EDAR: variants seen among roughly 807,000 people sequenced by gnomAD.
EDAR encodes tumor necrosis factor receptor superfamily member EDAR.
A neutral mutation model predicts 51.3 loss-of-function variants in EDAR; 38 were observed. The observed-to-expected ratio is 0.74, with a 90% CI of 0.57 to 0.97. The LOEUF is 0.97. Ranked by LOEUF, EDAR falls within the 50% of genes least tolerant of loss-of-function variation. The probability of loss-of-function intolerance (pLI) is 0.00; values close to 1 mark genes in which losing one functional copy is unlikely to be tolerated. For synonymous variants in EDAR, 227 were observed against 242.1 expected, an observed-to-expected ratio of 0.94 and a Z score of 0.58; for missense variants, 528 against 595.0, an observed-to-expected ratio of 0.89 and a Z score of 1.17.
intron 8 of EDAR, 36 bp downstream of exon 8, chr2:108,910,740 C>T (rs748926409): frequency 8.7e-6 from 14 of 1,608,848 alleles, no homozygotes; most frequent in Admixed American, 6.7e-5. Flanking sequence ...AGATGGGCAC[C>T]GTGCACATGG....
At chr2:108,964,899 G>T (rs779821477) in intron 1 of EDAR, among the ~76,000 whole-genome samples, 5 of 152,082 alleles carry the variant, frequency 3.3e-5, no homozygotes, top group Non-Finnish European at 5.9e-5. Flanking sequence ...ATAACAGCAC[G>T]TCTGGAATAA....
intron 1 of EDAR, among the ~76,000 whole-genome samples, chr2:108,986,577 G>A (rs1574419260): frequency 6.6e-6 from 1 of 152,258 alleles, no homozygotes; most frequent in Non-Finnish European, 1.5e-5. Flanking sequence ...AGTTCTTGGT[G>A]TTCCCATAAT....
chr2:108,898,887 A>T (rs1169305640), intron 11 of EDAR, among the ~76,000 whole-genome samples: 4 of 152,254 alleles, frequency 2.6e-5, no homozygotes, highest in Non-Finnish European at 5.9e-5. Flanking sequence ...TTACTCAATC[A>T]GAGAAAATAA....
chr2:108,935,934 C>T (rs1261953562), intron 1 of EDAR, among the ~76,000 whole-genome samples: 2 of 152,200 alleles, frequency 1.3e-5, no homozygotes, highest in Non-Finnish European at 2.9e-5. Flanking sequence ...TGGCCTTCAC[C>T]CTTGGTGGTG....
intron 1 of EDAR, among the ~76,000 whole-genome samples, chr2:108,977,362 G>A (rs1267812536): frequency 3.3e-5 from 5 of 152,096 alleles, no homozygotes; most frequent in African/African-American, 7.2e-5. Flanking sequence ...TGCGCCTCCC[G>A]GGTTCACGCC....
intron 1 of EDAR, among the ~76,000 whole-genome samples, chr2:108,966,595 C>T (rs960996883): frequency 1.3e-5 from 2 of 152,220 alleles, no homozygotes; most frequent in South Asian, 2.1e-4. Context: ...GAGAGTTCTA[C>T]GGTGCCCAAG....
rs780909525 is a variant in EDAR, at chr2:108,896,716, G to A, written c.*191C>T. On this transcript the variant is annotated 3_prime_UTR_variant, in exon 12 of 12. Transcript: ENST00000258443. The stretch of plus-strand genomic sequence containing the variant: ...CAGGCGAGCATCTGAAAGTATCCCG[G>A]CTCTAGTCCTTTATCTTTGGTTAAA... 29 of 616,810 alleles carry A rather than the reference G, an allele frequency of 4.7e-5. No individual in the cohort carries two copies. The highest frequency in any genetic ancestry group is 7.6e-5 in the Non-Finnish European group (27 of 353,498). The allele number at this position is 616,810 out of a possible 1,614,324, so 38.2% of individuals were successfully genotyped here.
At chr2:108,945,185 C>G (rs1348513171) in intron 1 of EDAR, among the ~76,000 whole-genome samples, 1 of 152,070 alleles carries the variant, frequency 6.6e-6, no homozygotes, top group East Asian at 1.9e-4. Context: ...TCAGCCAAGC[C>G]CAGCTTGGGT....
chr2:108,898,175 G>A (rs560372490), intron 11 of EDAR, among the ~76,000 whole-genome samples: 2 of 152,298 alleles, frequency 1.3e-5, no homozygotes, highest in Admixed American at 1.3e-4. Flanking sequence ...ATCCAGGGTA[G>A]CAAAGGCTGA....
At chr2:108,959,071 G>GA (rs905670141) in intron 1 of EDAR, among the ~76,000 whole-genome samples, 1 of 152,258 alleles carries the variant, frequency 6.6e-6, no homozygotes, top group African/African-American at 2.4e-5. Context: ...GTTAGAGCCA[G>GA]AAAAACGTGT....
rs1198840415 is a variant in EDAR at position 108,895,622 on chromosome 2, T to C, written c.*1285A>G. 3 of 152,228 alleles carry C rather than the reference T, an allele frequency of 2.0e-5. No homozygotes were observed. The highest frequency in any genetic ancestry group is 2.9e-5 in the Non-Finnish European group (2 of 68,048). The allele number at this position is 152,228 out of a possible 1,614,324, so 9.4% of individuals were successfully genotyped here. A position where few individuals can be genotyped will look rare whatever the true frequency, so the allele number is the denominator to read the frequency against. ...CATAGAGCACCTCAAAGGCCTGGCA[T>C]TTCCTATAGCTCCACTTTCTTTTTG... On this transcript the variant is annotated 3_prime_UTR_variant, in exon 12 of 12. Coordinates refer to ENST00000258443, the MANE Select transcript of EDAR (RefSeq NM_022336.4).
chr2:108,910,659 A>AT, intron 8 of EDAR, 117 bp downstream of exon 8: 1 of 1,426,484 alleles, frequency 7.0e-7, no homozygotes, highest in Non-Finnish European at 9.8e-7. Flanking sequence ...CCCCACGGTA[A>AT]GCACAGTATG....
chr2:108,951,995 C>T (rs1021531641), intron 1 of EDAR, among the ~76,000 whole-genome samples: 1 of 152,176 alleles, frequency 6.6e-6, no homozygotes, highest in African/African-American at 2.4e-5. Context: ...GCAGGCAGGA[C>T]CAAGAATATT....
intron 1 of EDAR, among the ~76,000 whole-genome samples, chr2:108,963,117 T>C (rs1698085169): frequency 1.3e-5 from 2 of 152,202 alleles, no homozygotes; most frequent in South Asian, 4.1e-4. Flanking sequence ...CGCAAACTGC[T>C]GTACACCCCT....
chr2:108,981,485 C>T (rs1023894091), intron 1 of EDAR, among the ~76,000 whole-genome samples: 1 of 152,180 alleles, frequency 6.6e-6, no homozygotes, highest in Admixed American at 6.5e-5. Context: ...GAGAAGCTTC[C>T]ATTTTCCGCT....
At chr2:108,965,101 G>C (rs1698123015) in intron 1 of EDAR, among the ~76,000 whole-genome samples, 1 of 151,822 alleles carries the variant, frequency 6.6e-6, no homozygotes, top group Non-Finnish European at 1.5e-5. Flanking sequence ...GTGCACGCAA[G>C]CATGTGTGTG....
At chr2:108,948,710 G>C (rs1697763805) in intron 1 of EDAR, among the ~76,000 whole-genome samples, 1 of 152,156 alleles carries the variant, frequency 6.6e-6, no homozygotes, top group South Asian at 2.1e-4. Context: ...ACAACATGGG[G>C]AAAACTGCTC....
At chr2:108,957,549 C>G (rs1238484062) in intron 1 of EDAR, among the ~76,000 whole-genome samples, 3 of 152,252 alleles carry the variant, frequency 2.0e-5, no homozygotes, top group Non-Finnish European at 4.4e-5. Context: ...TCACCCTCCT[C>G]CACTGCAGAG....
chr2:108,957,326 G>C (rs898380789), intron 1 of EDAR, among the ~76,000 whole-genome samples: 1 of 152,226 alleles, frequency 6.6e-6, no homozygotes, highest in African/African-American at 2.4e-5. Flanking sequence ...AGATGACCCT[G>C]TTTGAACTCT....
Sources: gnomAD v4.1 joint callset for allele counts (sites outside exome capture counted in the v4.1 genomes callset) on GRCh38, gnomAD v4.1.1 for gene constraint, MANE v1.5 for transcripts, NCBI Gene and HGNC (gene_info 2026-07-23, HGNC 2026-07-21) for gene names.